The following SOX6 variants were observed in gnomAD, a reference collection of about 807,000 sequenced individuals.
SOX6 encodes transcription factor SOX-6.
In SOX6, 11 loss-of-function variants were observed where a neutral mutation model predicts 97.8. The ratio of observed to expected loss-of-function variants is 0.11; its 90% CI spans 0.07 to 0.19. The LOEUF is 0.19. Among genes scored for constraint, SOX6 ranks in the 10% least tolerant of loss-of-function variants. The pLI is 1.00. For synonymous variants in SOX6, 360 were observed against 371.4 expected, an observed-to-expected ratio of 0.97 and a Z score of 0.35; for missense variants, 810 against 1,039.5, an observed-to-expected ratio of 0.78 and a Z score of 3.04.
rs1014190577 is a variant in SOX6, at chr11:16,525,101, G to C, written n.610-48713C>G. The stretch of plus-strand genomic sequence containing the variant: ...AATGCCATCCCCATCAAGCTACCAA[G>C]GACTTTCTTCACAGAATTGGAAAAA... On this transcript the variant is annotated intron_variant and non_coding_transcript_variant, in intron 4 of 5. Transcript: ENST00000524520. 2.6e-5 allele frequency among the ~76,000 whole-genome samples: 4 copies of C among 152,028 alleles called. No individual in the cohort carries two copies. In the East Asian group the frequency reaches 5.8e-4, roughly 22 times the overall value.
upstream of SOX6, among the ~76,000 whole-genome samples, chr11:16,361,010 AAAAAG>A (rs1195648281): frequency 6.8e-4 from 89 of 131,640 alleles, 1 homozygote; most frequent in Admixed American, 1.2e-3. Context: ...CTCAAAAAAA[AAAAAG>A]AAGAAGAAGA....
intron 3 of SOX6, among the ~76,000 whole-genome samples, chr11:16,628,195 A>G (rs1848650737): frequency 6.6e-6 from 1 of 152,274 alleles, no homozygotes; most frequent in South Asian, 2.1e-4. Flanking sequence ...TGGTTACTGT[A>G]GCCTTATAGT....
In SOX6 at chr11:16,327,351, T is replaced by A. The variant is rs938546620; in HGVS notation, c.238-8698A>T. On this transcript the variant is annotated intron_variant, in intron 2 of 15. Coordinates refer to ENST00000683767, the MANE Select transcript of SOX6 (RefSeq NM_001367873.1). ...AATGTCCTTTGTCCAATTGCCCTTT[T>A]TTTCTATTTTCAATTCTGAAAATAC... Among the ~76,000 whole-genome samples the A allele has an allele frequency of 2.0e-5, 3 of 152,164 alleles. No homozygotes were observed. In the East Asian group the frequency reaches 5.8e-4, roughly 29 times the overall value.
chr11:16,680,646 T>C (rs530072736), intron 3 of SOX6, among the ~76,000 whole-genome samples: 1 of 152,196 alleles, frequency 6.6e-6, no homozygotes, highest in East Asian at 1.9e-4. Context: ...ATGCCCCAAA[T>C]AAAAGACACA....
intron 2 of SOX6, among the ~76,000 whole-genome samples, chr11:16,333,966 G>A (rs1056408612): frequency 1.3e-5 from 2 of 152,074 alleles, no homozygotes; most frequent in Non-Finnish European, 2.9e-5. Context: ...ATAAAACTGA[G>A]GCAAATTAGG....
intron 3 of SOX6, among the ~76,000 whole-genome samples, chr11:16,268,970 C>T (rs1309803770): frequency 2.0e-5 from 3 of 150,190 alleles, no homozygotes; most frequent in Non-Finnish European, 4.5e-5. Flanking sequence ...TTTATTATCT[C>T]TGGATTCTGA....
intron 4 of SOX6, among the ~76,000 whole-genome samples, chr11:16,198,746 C>T (rs926492616): frequency 1.3e-5 from 2 of 152,122 alleles, no homozygotes; most frequent in Non-Finnish European, 2.9e-5. Flanking sequence ...ATTATTATAG[C>T]ATCAATGGTC....
intron 1 of SOX6, among the ~76,000 whole-genome samples, chr11:16,456,524 G>A (rs1360049377): frequency 6.6e-6 from 1 of 152,086 alleles, no homozygotes; most frequent in African/African-American, 2.4e-5. Flanking sequence ...GTAGTGAAAG[G>A]AGCAGATGAA....
intron 3 of SOX6, among the ~76,000 whole-genome samples, chr11:16,258,703 A>G (rs887639989): frequency 8.6e-5 from 13 of 151,902 alleles, no homozygotes; most frequent in Non-Finnish European, 1.8e-4. Flanking sequence ...ACCATAATAT[A>G]AACTATAAAC....
At chr11:16,099,396 C>A (rs1848881474) in intron 7 of SOX6, among the ~76,000 whole-genome samples, 1 of 151,622 alleles carries the variant, frequency 6.6e-6, no homozygotes, top group South Asian at 2.1e-4. Flanking sequence ...TGGTAGATAT[C>A]AAGTTTTAAA....
At chr11:16,653,007 GA>G (rs1446015083) in intron 3 of SOX6, among the ~76,000 whole-genome samples, 1 of 151,880 alleles carries the variant, frequency 6.6e-6, no homozygotes, top group Non-Finnish European at 1.5e-5. Context: ...AAAAACATAT[GA>G]AAAAAATGCT....
At chr11:16,530,304 C>T (rs979014633) in intron 4 of SOX6, among the ~76,000 whole-genome samples, 3 of 151,948 alleles carry the variant, frequency 2.0e-5, no homozygotes, top group African/African-American at 7.2e-5. Flanking sequence ...AAATGTTTGA[C>T]ATAAAAGGAG....
chr11:16,264,868 A>AG (rs1854024964), intron 3 of SOX6: 1 of 148,754 alleles, frequency 6.7e-6, no homozygotes, highest in South Asian at 2.1e-4. Context: ...AAAAAAAAAG[A>AG]AGCTTAAAAA....
chr11:16,331,575 T>C (rs529301612), intron 2 of SOX6, among the ~76,000 whole-genome samples: 5 of 152,308 alleles, frequency 3.3e-5, no homozygotes, highest in African/African-American at 1.2e-4. Context: ...AGAAACTCTT[T>C]ATAATTCAGA....
chr11:16,348,014 G>A (rs935397455), intron 1 of SOX6, among the ~76,000 whole-genome samples: 1 of 151,888 alleles, frequency 6.6e-6, no homozygotes. Context: ...AGAAAGAAGA[G>A]GGAGGGAGGA....
chr11:16,623,296 C>G (rs1848572238), intron 3 of SOX6, among the ~76,000 whole-genome samples: 1 of 152,224 alleles, frequency 6.6e-6, no homozygotes, highest in Non-Finnish European at 1.5e-5. Flanking sequence ...GCTAGGATTA[C>G]AGGCGTGAGC....
At chr11:16,055,937 A>C (rs1217500548) in intron 9 of SOX6, 36 bp from the exon 10 acceptor site, 1 of 1,610,520 alleles carries the variant, frequency 6.2e-7, no homozygotes, top group South Asian at 1.1e-5. Context: ...GATCTCTTTA[A>C]ATGCAGCTGA....
intron 1 of SOX6, among the ~76,000 whole-genome samples, chr11:16,383,464 A>T (rs1177922911): frequency 4.6e-5 from 7 of 151,906 alleles, no homozygotes; most frequent in Non-Finnish European, 1.0e-4. Context: ...TCCTGCTTCC[A>T]CCACTTACCA....
At chr11:16,447,226 C>G (rs1034322305) in intron 1 of SOX6, among the ~76,000 whole-genome samples, 6 of 152,060 alleles carry the variant, frequency 3.9e-5, no homozygotes, top group African/African-American at 1.4e-4. Flanking sequence ...AATTTTTAAG[C>G]TAAAATTAGG....
Sources: gnomAD v4.1 joint callset for allele counts (sites outside exome capture counted in the v4.1 genomes callset) on GRCh38, gnomAD v4.1.1 for gene constraint, MANE v1.5 for transcripts, NCBI Gene and HGNC (gene_info 2026-07-23, HGNC 2026-07-21) for gene names.